PCDHA7: variants seen among roughly 807,000 people sequenced by gnomAD.
The protein encoded by PCDHA7 is protocadherin alpha-7.
A neutral mutation model predicts 57.2 loss-of-function variants in PCDHA7; 37 were observed. The observed-to-expected ratio is 0.65, with a 90% CI of 0.50 to 0.85. The LOEUF (loss-of-function observed/expected upper bound fraction) is 0.85. PCDHA7 is among the 40% of genes least tolerant of loss of function. PCDHA7 has a pLI of 0.00. For missense variants in PCDHA7, 1,188 were observed against 1,241.8 expected, an observed-to-expected ratio of 0.96 and a Z score of 0.65; for synonymous variants, 553 against 558.8, an observed-to-expected ratio of 0.99 and a Z score of 0.15.
rs781991042 is a variant in PCDHA7, at chr5:140,968,933, A to G, written c.2356-10016A>G. ...AGTGTCTTTTATATTTCTTTTGACA[A>G]TCATCATTTTGAGCATCATCAAGTG... On this transcript the variant is annotated intron_variant, in intron 1 of 3. Transcript: ENST00000525929. 77 of 1,614,052 alleles carry G rather than the reference A, an allele frequency of 4.8e-5. No individual in the cohort carries two copies. Among genetic ancestry groups the G allele is most frequent in the Non-Finnish European group, 6.0e-5 (71 of 1,180,034 alleles).
At chr5:140,997,910 A>T (rs2097790102) in intron 3 of PCDHA7, among the ~76,000 whole-genome samples, 2 of 152,234 alleles carry the variant, frequency 1.3e-5, no homozygotes. Flanking sequence ...AAGTAGAATT[A>T]CAGAATCATA....
chr5:140,887,081 T>C (rs2061290342), intron 1 of PCDHA7, among the ~76,000 whole-genome samples: 1 of 152,076 alleles, frequency 6.6e-6, no homozygotes, highest in Non-Finnish European at 1.5e-5. Context: ...TCAGCTTTTG[T>C]CTGAGAAATA....
At chr5:140,841,171 GGTCAATGTT>G (rs1175788362) in intron 1 of PCDHA7, 24 of 993,568 alleles carry the variant, frequency 2.4e-5, no homozygotes, top group Non-Finnish European at 2.9e-5. Flanking sequence ...AGTTCTGGTT[GGTCAATGTT>G]CAAAGTCTTT....
intron 1 of PCDHA7, among the ~76,000 whole-genome samples, chr5:140,897,748 C>G (rs565250286): frequency 6.6e-5 from 10 of 152,214 alleles, no homozygotes; most frequent in Non-Finnish European, 1.5e-4. Flanking sequence ...GTTCTAGATC[C>G]CTGAGGAATC....
chr5:140,863,417 G>A (rs182048002), intron 1 of PCDHA7: 5 of 701,164 alleles, frequency 7.1e-6, no homozygotes, highest in Non-Finnish European at 9.9e-6. Flanking sequence ...CTGGTGTACC[G>A]CAGCGTAGTG....
intron 1 of PCDHA7, among the ~76,000 whole-genome samples, chr5:140,892,414 C>G (rs2063506203): frequency 6.6e-6 from 1 of 152,124 alleles, no homozygotes; most frequent in Non-Finnish European, 1.5e-5. Context: ...TTCAGGTATT[C>G]TAGATAAAAC....
rs572664608 is a variant in PCDHA7 at position 140,918,936 on chromosome 5, T to C, written c.2356-60013T>C. 6.0e-4 allele frequency among the ~76,000 whole-genome samples: 92 copies of C among 152,342 alleles called. 2 individuals are homozygous for C. Among genetic ancestry groups the C allele is most frequent in the Admixed American group, 5.2e-3 (80 of 15,310 alleles). On this transcript the variant is annotated intron_variant, in intron 1 of 3. Transcript: ENST00000525929. ...AACTACACAGCATATGGCATTTTGT[T>C]ATAATATCCTGAACAGACTAAGACA...
At chr5:140,857,001 A>T in intron 1 of PCDHA7, 1 of 1,595,350 alleles carries the variant, frequency 6.3e-7, no homozygotes, top group Non-Finnish European at 8.6e-7. Flanking sequence ...TATGAAATTC[A>T]TGTAGATGTT....
At chr5:140,913,857 T>C (rs1374392004) in intron 1 of PCDHA7, among the ~76,000 whole-genome samples, 3 of 152,208 alleles carry the variant, frequency 2.0e-5, no homozygotes, top group Admixed American at 6.5e-5. Context: ...CAGGAGCATA[T>C]TGTTTAATTT....
intron 1 of PCDHA7, among the ~76,000 whole-genome samples, chr5:140,937,096 G>T (rs1173485186): frequency 4.1e-5 from 6 of 146,810 alleles, no homozygotes; most frequent in African/African-American, 1.5e-4. Context: ...GGAGTGCAGT[G>T]GCGCAGTCTC....
At chr5:140,883,331 T>C (rs782330597) in intron 1 of PCDHA7, 1 of 1,614,064 alleles carries the variant, frequency 6.2e-7, no homozygotes, top group East Asian at 2.2e-5. Flanking sequence ...CATCACTTCT[T>C]TGTCACTCCC....
chr5:140,858,487 C>G (rs896590695), intron 1 of PCDHA7: 5 of 1,499,788 alleles, frequency 3.3e-6, no homozygotes, highest in Non-Finnish European at 4.5e-6. Flanking sequence ...ATAATATTTT[C>G]TCTTACCGCA....
chr5:140,871,722 A>G (rs1354844618), intron 1 of PCDHA7: 1 of 760,470 alleles, frequency 1.3e-6, no homozygotes, highest in Non-Finnish European at 2.0e-6. Context: ...ATTTCTCTTA[A>G]TATTTGGTTA....
At chr5:140,869,628 T>A (rs1562631338) in intron 1 of PCDHA7, 1 of 1,613,700 alleles carries the variant, frequency 6.2e-7, no homozygotes. Flanking sequence ...TAAGTAAAAA[T>A]GAGTATTTTT....
intron 1 of PCDHA7, chr5:140,843,194 G>T: frequency 6.3e-7 from 1 of 1,596,036 alleles, no homozygotes; most frequent in East Asian, 2.2e-5. Context: ...GTTCCGCGTG[G>T]GGCTGTACAC....
At chr5:140,949,005 A>G (rs1554218775) in intron 1 of PCDHA7, among the ~76,000 whole-genome samples, 1 of 151,654 alleles carries the variant, frequency 6.6e-6, no homozygotes, top group African/African-American at 2.4e-5. Context: ...ACTAATTTTT[A>G]TATGTGATGT....
At chr5:140,869,204 C>T in intron 1 of PCDHA7, 1 of 1,613,960 alleles carries the variant, frequency 6.2e-7, no homozygotes, top group Non-Finnish European at 8.5e-7. Context: ...CTCCACTACT[C>T]CGTCTCGGAG....
chr5:140,894,098 T>C (rs1025974161), intron 1 of PCDHA7, among the ~76,000 whole-genome samples: 2 of 152,178 alleles, frequency 1.3e-5, no homozygotes, highest in Non-Finnish European at 2.9e-5. Flanking sequence ...TTCTAGCTCC[T>C]GGTGTTGCAG....
intron 3 of PCDHA7, among the ~76,000 whole-genome samples, chr5:141,004,902 G>A (rs1554259808): frequency 1.3e-5 from 2 of 152,084 alleles, no homozygotes; most frequent in African/African-American, 4.8e-5. Flanking sequence ...GCTCTGCCAG[G>A]GTGTAAGGAA....
Sources: allele counts gnomAD v4.1 joint callset (sites outside exome capture counted in the v4.1 genomes callset), GRCh38; gene constraint gnomAD v4.1.1; transcripts MANE v1.5; gene names NCBI Gene and HGNC (gene_info 2026-07-23, HGNC 2026-07-21).